FAM168A: variants seen among roughly 807,000 people sequenced by gnomAD.
The protein encoded by FAM168A is family with sequence similarity 168 member A.
In FAM168A, 3 loss-of-function variants were observed where a neutral mutation model predicts 28.5. The observed-to-expected ratio is 0.11, with a 90% confidence interval of 0.05 to 0.27. FAM168A has a LOEUF of 0.27. Among genes scored for constraint, FAM168A ranks in the 10% least tolerant of loss-of-function variants. The pLI, the probability that FAM168A is intolerant of heterozygous loss-of-function variation, is 1.00. For synonymous variants in FAM168A, 122 were observed against 124.2 expected, an observed-to-expected ratio of 0.98 and a Z score of 0.12; for missense variants, 222 against 311.5, an observed-to-expected ratio of 0.71 and a Z score of 2.16.
At chr11:73,433,840 CTTTT>C (rs34260175) in intron 2 of FAM168A, among the ~76,000 whole-genome samples, 14 of 83,328 alleles carry the variant, frequency 1.7e-4, no homozygotes, top group African/African-American at 7.0e-4. Context: ...AGGGTAGGCC[CTTTT>C]TTTTTTTTTT....
chr11:73,496,781 T>C (rs1288265426), intron 1 of FAM168A, among the ~76,000 whole-genome samples: 1 of 151,822 alleles, frequency 6.6e-6, no homozygotes, highest in African/African-American at 2.4e-5. Flanking sequence ...AGGATGGTCT[T>C]GATCTCCTGA....
chr11:73,591,028 T>C (rs1944374562), intron 1 of FAM168A, among the ~76,000 whole-genome samples: 3 of 152,104 alleles, frequency 2.0e-5, no homozygotes, highest in Non-Finnish European at 2.9e-5. Context: ...CCTGTGGTCC[T>C]AGCTACTCAA....
intron 2 of FAM168A, among the ~76,000 whole-genome samples, chr11:73,436,204 CTCTTT>C (rs1231001656): frequency 6.6e-6 from 1 of 152,166 alleles, no homozygotes. Flanking sequence ...CAATCTAAGC[CTCTTT>C]TCTTGTTGGT....
In FAM168A at chr11:73,468,406, C is replaced by T. The variant is rs144949543; in HGVS notation, c.69G>A (p.Thr23=). The part of the protein sequence containing the change: ...PYGNPKNMAY[T]GYPTAYPAAA... ...GAGAGCCATTCTCACACTACTCACC[C>T]GTGTAGGCCATGTTCTTAGGGTTGC... Residue 23 remains threonine, a splice_region_variant and synonymous_variant, in exon 2 of 8, where the codon ACG becomes ACA. Coordinates refer to ENST00000356467, the MANE Select transcript of FAM168A (RefSeq NM_015159.3). 15 of 1,613,834 alleles carry T rather than the reference C, an allele frequency of 9.3e-6. No individual in the cohort carries two copies. Among genetic ancestry groups the T allele is most frequent in the African/African-American group, 2.7e-5 (2 of 74,910 alleles).
At chr11:73,477,277 G>T (rs1007083062) in intron 1 of FAM168A, among the ~76,000 whole-genome samples, 3 of 151,786 alleles carry the variant, frequency 2.0e-5, no homozygotes, top group Admixed American at 6.6e-5. Context: ...TCGCTACCTG[G>T]GTGATGAAAT....
chr11:73,537,139 T>A (rs1022863358), intron 1 of FAM168A, among the ~76,000 whole-genome samples: 1 of 151,968 alleles, frequency 6.6e-6, no homozygotes, highest in Non-Finnish European at 1.5e-5. Flanking sequence ...AGGGGAAGTG[T>A]AACATAAAAG....
chr11:73,480,283 G>A (rs1867949621), intron 1 of FAM168A, among the ~76,000 whole-genome samples: 1 of 152,098 alleles, frequency 6.6e-6, no homozygotes, highest in Non-Finnish European at 1.5e-5. Context: ...AACCACCAGA[G>A]CATTCAGCCC....
chr11:73,558,472 A>T (rs1590853915), intron 1 of FAM168A, among the ~76,000 whole-genome samples: 1 of 127,648 alleles, frequency 7.8e-6, no homozygotes, highest in African/African-American at 4.5e-5. Flanking sequence ...CTGTCTCTAA[A>T]AAAAAAAAAA....
chr11:73,510,646 G>C lies in FAM168A; in HGVS notation c.-18-42154C>G, dbSNP rs1855203693. ...CAGTACTAGCCCGTTCATGAGGTAA[G>C]CCAAAAGGGGGTACATCCTACCAGG... On this transcript the variant is annotated intron_variant, in intron 1 of 7. Transcript: ENST00000356467. The C allele has an allele frequency of 2.0e-5, 6 of 295,746 alleles. No homozygotes were observed. In the East Asian group the frequency reaches 3.0e-4, roughly 15 times the overall value. 18.3% of individuals were successfully genotyped at this position (295,746 alleles called of 1,614,324 possible).
intron 1 of FAM168A, among the ~76,000 whole-genome samples, chr11:73,572,905 C>T (rs1195697183): frequency 6.6e-6 from 1 of 151,872 alleles, no homozygotes; most frequent in Non-Finnish European, 1.5e-5. Flanking sequence ...ATTAATTAAA[C>T]ACACTGAAAA....
At chr11:73,438,115 A>ATCG (rs985306893) in intron 2 of FAM168A, among the ~76,000 whole-genome samples, 1 of 152,146 alleles carries the variant, frequency 6.6e-6, no homozygotes, top group Non-Finnish European at 1.5e-5. Flanking sequence ...CATCATCATC[A>ATCG]TCGTCATCAT....
chr11:73,463,071 C>G (rs190378195), intron 2 of FAM168A, among the ~76,000 whole-genome samples: 2 of 152,116 alleles, frequency 1.3e-5, no homozygotes, highest in South Asian at 4.1e-4. Context: ...CAGGTTCCAG[C>G]GATTCTCATG....
chr11:73,591,945 C>T (rs1944387323), intron 1 of FAM168A, among the ~76,000 whole-genome samples: 1 of 152,158 alleles, frequency 6.6e-6, no homozygotes, highest in Non-Finnish European at 1.5e-5. Flanking sequence ...CTGATAGAGA[C>T]ATTTGCTATC....
At position 73,543,067 on chromosome 11, in the gene FAM168A, T is replaced by C. The variant is rs138970168; in HGVS notation, c.-19+54856A>G. ...CAAATTTCACCTCATCAGCAAGGCCTAAGTTAACTGATTATATCTAAAATA... is the reference window on the plus strand; with the variant it reads ...CAAATTTCACCTCATCAGCAAGGCCCAAGTTAACTGATTATATCTAAAATA... On this transcript the variant is annotated intron_variant, in intron 1 of 7. Coordinates refer to ENST00000356467, the MANE Select transcript of FAM168A (RefSeq NM_015159.3). 4.7e-3 allele frequency among the ~76,000 whole-genome samples: 719 copies of C among 152,238 alleles called. 10 individuals carry two copies. Among genetic ancestry groups the C allele is most frequent in the African/African-American group, 0.015 (603 of 41,542 alleles).
chr11:73,437,780 C>T (rs936311118), intron 2 of FAM168A, among the ~76,000 whole-genome samples: 7 of 152,062 alleles, frequency 4.6e-5, no homozygotes, highest in Non-Finnish European at 8.8e-5. Context: ...CCTAGTTCTA[C>T]CCTCACAGAA....
At chr11:73,538,595 T>C (rs559340439) in intron 1 of FAM168A, among the ~76,000 whole-genome samples, 18 of 152,334 alleles carry the variant, frequency 1.2e-4, no homozygotes, top group African/African-American at 4.3e-4. Flanking sequence ...ACAAAACCTC[T>C]AGGAACTAAA....
chr11:73,479,610 A>C (rs2134591730), intron 1 of FAM168A, among the ~76,000 whole-genome samples: 1 of 152,324 alleles, frequency 6.6e-6, no homozygotes, highest in South Asian at 2.1e-4. Flanking sequence ...AGATCTCAGA[A>C]AGCCAGACTG....
intron 1 of FAM168A, among the ~76,000 whole-genome samples, chr11:73,537,582 TC>T (rs1943598462): frequency 6.6e-6 from 1 of 152,116 alleles, no homozygotes; most frequent in Non-Finnish European, 1.5e-5. Flanking sequence ...AACTCCAGGT[TC>T]CGTTCTCAGC....
chr11:73,495,562 A>T (rs1334593836), intron 1 of FAM168A, among the ~76,000 whole-genome samples: 3 of 152,226 alleles, frequency 2.0e-5, no homozygotes, highest in Non-Finnish European at 4.4e-5. Context: ...GGATAGGGGT[A>T]CTATTTAAGA....
Sources: gnomAD v4.1 joint callset for allele counts (sites outside exome capture counted in the v4.1 genomes callset) on GRCh38, gnomAD v4.1.1 for gene constraint, MANE v1.5 for transcripts, NCBI Gene and HGNC (gene_info 2026-07-23, HGNC 2026-07-21) for gene names.